The following ACAD11 variants were observed in gnomAD, a reference collection of about 807,000 sequenced individuals.
ACAD11 encodes the protein acyl-Coenzyme A dehydrogenase family, member 11.
ACAD11 carries 83 observed loss-of-function variants against 102.2 expected under a neutral mutation model. The observed-to-expected ratio is 0.81, with a 90% confidence interval of 0.68 to 0.97. The LOEUF is 0.97. Ranked by LOEUF, ACAD11 falls within the 50% of genes least tolerant of loss-of-function variation. The pLI is 0.00. For missense variants in ACAD11, 901 were observed against 951.7 expected (o/e 0.95, Z 0.70); for synonymous variants, 324 against 319.8 (o/e 1.01, Z -0.14).
At chr3:132,566,295 T>TAA (rs1937208043) in intron 17 of ACAD11, among the ~76,000 whole-genome samples, 6 of 20,072 alleles carry the variant, frequency 3.0e-4, no homozygotes, top group African/African-American at 2.3e-3. Context: ...GAAAACAAAC[T>TAA]CAAAAAAACA....
At chr3:132,626,579 G>T in intron 9 of ACAD11, 112 bp downstream of exon 9, 2 of 1,236,274 alleles carry the variant, frequency 1.6e-6, no homozygotes, top group Non-Finnish European at 2.3e-6. Context: ...GAAGAATCTA[G>T]GTAAGGATTG....
intron 3 of ACAD11, 70 bp from the exon 4 acceptor site, chr3:132,642,203 C>T (rs915980909): frequency 2.2e-6 from 3 of 1,372,924 alleles, no homozygotes; most frequent in East Asian, 2.3e-5. Flanking sequence ...ACTAGAAAAA[C>T]ATTCATTTGT....
rs1364470977 is a variant in ACAD11 at position 132,628,374 on chromosome 3, G to A, written c.1036C>T (p.Pro346Ser). ...AGTTGTAGTCCAGTTTCTGCCAGAG[G>A]TTGCACAATATTGGCAAATAAAAAG... ...DSFLFANIVQ[P>S]LAETGLQLSK... Residue 346 changes from proline to serine, a missense_variant, in exon 8 of 20, where the codon CCT (proline) becomes TCT (serine). Coordinates refer to ENST00000264990, the MANE Select transcript of ACAD11 (RefSeq NM_032169.5). 7 of 1,613,052 alleles carry A rather than the reference G, an allele frequency of 4.3e-6. No homozygotes were observed. Among genetic ancestry groups the A allele is most frequent in the Non-Finnish European group, 5.9e-6 (7 of 1,179,610 alleles).
At position 132,603,315 on chromosome 3, in the gene ACAD11, G is replaced by A; in HGVS notation, c.1535C>T (p.Ala512Val). 1.2e-6 allele frequency: 2 copies of A among 1,613,808 alleles called. No individual in the cohort carries two copies. Among genetic ancestry groups the A allele is most frequent in the Non-Finnish European group, 1.7e-6 (2 of 1,179,830 alleles). Residue 512 changes from alanine to valine, a missense_variant, in exon 13 of 20, where the codon GCT becomes GTT. Transcript: ENST00000264990. ...SCFCMTEPDV[A>V]SSDATNIECS... is the part of the protein sequence containing the mutation. Reference sequence around the variant, plus strand: ...TTCAATATTCGTGGCATCACTTGAAGCTACATCAGGTTCTATAAATAAACA... The same window carrying A: ...TTCAATATTCGTGGCATCACTTGAAACTACATCAGGTTCTATAAATAAACA...
intron 5 of ACAD11, among the ~76,000 whole-genome samples, chr3:132,635,264 T>G (rs1940232895): frequency 6.6e-6 from 1 of 152,012 alleles, no homozygotes; most frequent in Admixed American, 6.6e-5. Flanking sequence ...TGACATGATC[T>G]GTATTTTAAG....
intron 1 of ACAD11, among the ~76,000 whole-genome samples, chr3:132,656,618 C>T (rs1041803191): frequency 4.6e-5 from 7 of 151,922 alleles, no homozygotes; most frequent in Non-Finnish European, 8.8e-5. Context: ...CTCAGCCTCC[C>T]GAGTAGCTGG....
chr3:132,611,802 A>T (rs1939163929), intron 11 of ACAD11, among the ~76,000 whole-genome samples: 1 of 152,048 alleles, frequency 6.6e-6, no homozygotes, highest in Non-Finnish European at 1.5e-5. Flanking sequence ...ATACAGCCCA[A>T]GGTAATTTAT....
chr3:132,639,519 T>G lies in ACAD11; in HGVS notation c.675A>C (p.Leu225=). Residue 225 remains leucine, a synonymous_variant, in exon 5 of 20, where the codon CTA becomes CTC. Transcript: ENST00000264990. ...EENLIHGDFR[L]DNIVFHPKEC... The stretch of plus-strand genomic sequence containing the variant: ...CTTTAGGGTGGAAAACTATGTTATC[T>G]AGTCTGAAATCTCCATGAATCAAAT... The G allele has an allele frequency of 6.2e-7, 1 of 1,613,846 alleles. No homozygotes were observed. The highest frequency in any genetic ancestry group is 8.5e-7 in the Non-Finnish European group (1 of 1,179,934).
intron 5 of ACAD11, among the ~76,000 whole-genome samples, chr3:132,632,767 G>A (rs1033226665): frequency 6.6e-5 from 10 of 152,274 alleles, no homozygotes; most frequent in African/African-American, 2.4e-4. Context: ...GCAGTGGTTT[G>A]TAGTTCTCCT....
chr3:132,626,419 C>CT (rs1210030142), intron 9 of ACAD11, among the ~76,000 whole-genome samples: 1 of 151,900 alleles, frequency 6.6e-6, no homozygotes, highest in Non-Finnish European at 1.5e-5. Context: ...AACTTACTGC[C>CT]TTAGGACAAG....
In ACAD11 at chr3:132,559,862, A is replaced by G; in HGVS notation, c.2199T>C (p.Gly733=). 2 of 1,613,648 alleles carry G rather than the reference A, an allele frequency of 1.2e-6. No homozygotes were observed. The highest frequency in any genetic ancestry group is 1.7e-6 in the Non-Finnish European group (2 of 1,179,730). Residue 733 remains glycine, a synonymous_variant, in exon 19 of 20, where the codon GGT becomes GGC. Coordinates refer to ENST00000264990, the MANE Select transcript of ACAD11 (RefSeq NM_032169.5). ...TAGCCAGAGGGTAATCCTGGGAAAC[A>G]CCAGCACCTCCGCACACCTGGATGG... ...DWAIQVCGGA[G]VSQDYPLANM...
chr3:132,609,341 T>A (rs563469741), intron 11 of ACAD11, among the ~76,000 whole-genome samples: 1 of 152,048 alleles, frequency 6.6e-6, no homozygotes, highest in Non-Finnish European at 1.5e-5. Context: ...AAAAAATAAA[T>A]GAATCCAGGA....
intron 1 of ACAD11, among the ~76,000 whole-genome samples, chr3:132,650,749 C>T (rs1940898997): frequency 6.6e-6 from 1 of 152,142 alleles, no homozygotes; most frequent in African/African-American, 2.4e-5. Context: ...CCTACAACTT[C>T]CCATTTCCTA....
intron 13 of ACAD11, among the ~76,000 whole-genome samples, chr3:132,580,445 A>C (rs1260917357): frequency 2.0e-5 from 3 of 152,056 alleles, no homozygotes; most frequent in Admixed American, 6.6e-5. Flanking sequence ...TTGCAATAAA[A>C]AGAAAAAAGA....
chr3:132,627,055 G>T (rs750046849), intron 8 of ACAD11: 27 of 341,494 alleles, frequency 7.9e-5, no homozygotes, highest in African/African-American at 1.3e-4. Flanking sequence ...TATAGGCCTG[G>T]CATCACCTCA....
In ACAD11 at chr3:132,576,981, A is replaced by C; in HGVS notation, c.1809T>G (p.Phe603Leu). ...NFHGGHFEIH[F>L]NQVRVPATNL... ...TTGTGGCAGGAACTCGCACTTGATT[A>C]AAATGGATCTCAAAATGTCCTCCAT... The change falls in exon 16 of 20, where the codon TTT (phenylalanine) becomes TTG (leucine). Residue 603 changes from phenylalanine to leucine, a missense_variant. Physicochemically the swap from Phe to Leu is conservative, Grantham distance 22 (BLOSUM62 0). Transcript: ENST00000264990. The C allele has an allele frequency of 6.2e-7, 1 of 1,610,810 alleles. No homozygotes were observed. The highest frequency in any genetic ancestry group is 8.5e-7 in the Non-Finnish European group (1 of 1,177,700).
intron 17 of ACAD11, among the ~76,000 whole-genome samples, chr3:132,565,368 G>A (rs533870128): frequency 7.2e-5 from 11 of 152,224 alleles, no homozygotes; most frequent in African/African-American, 2.6e-4. Flanking sequence ...GGCAGTATGA[G>A]GGCATCATCC....
intron 11 of ACAD11, among the ~76,000 whole-genome samples, chr3:132,608,994 A>G (rs574713836): frequency 1.3e-5 from 2 of 152,312 alleles, no homozygotes; most frequent in East Asian, 1.9e-4. Context: ...AACTCACTCA[A>G]AACCGCACAT....
chr3:132,603,843 G>A (rs779975257), intron 12 of ACAD11, among the ~76,000 whole-genome samples: 35 of 152,198 alleles, frequency 2.3e-4, no homozygotes, highest in Admixed American at 5.2e-4. Flanking sequence ...GACACCCTTA[G>A]ACAACTGCTT....
Sources: gnomAD v4.1 joint callset for allele counts (sites outside exome capture counted in the v4.1 genomes callset) on GRCh38, gnomAD v4.1.1 for gene constraint, MANE v1.5 for transcripts, NCBI Gene and HGNC (gene_info 2026-07-23, HGNC 2026-07-21) for gene names.